Variants in STK3 observed in about 807,000 individuals in gnomAD.
STK3 encodes the protein serine/threonine kinase 3, also known as serine/threonine-protein kinase 3.
A neutral mutation model predicts 58.0 loss-of-function variants in STK3; 41 were observed. The ratio of observed to expected loss-of-function variants is 0.71; its 90% CI spans 0.55 to 0.92. The LOEUF is 0.92. Among genes scored for constraint, STK3 ranks in the 40% least tolerant of loss-of-function variants. The pLI, the probability that STK3 is intolerant of heterozygous loss-of-function variation, is 0.00. For missense variants in STK3, 479 were observed against 602.7 expected (o/e 0.79, Z 2.15); for synonymous variants, 170 against 191.0 (o/e 0.89, Z 0.91).
intron 1 of STK3, among the ~76,000 whole-genome samples, chr8:98,906,757 A>G (rs16897122): frequency 0.03 from 4,538 of 152,170 alleles, 100 homozygotes; most frequent in South Asian, 0.067. Context: ...GTCTTCCATC[A>G]CCTCTAAAGA....
intron 4 of STK3, among the ~76,000 whole-genome samples, chr8:98,738,442 C>G (rs1482217241): frequency 6.6e-6 from 1 of 151,990 alleles, no homozygotes; most frequent in Non-Finnish European, 1.5e-5. Context: ...CATTGCACTC[C>G]AGCCTGGGGA....
chr8:98,653,263 A>G (rs979934392), intron 6 of STK3, among the ~76,000 whole-genome samples: 104 of 152,332 alleles, frequency 6.8e-4, no homozygotes, highest in African/African-American at 2.4e-3. Flanking sequence ...AGGCAGAAAT[A>G]AAGACGTGCT....
At chr8:98,359,908 A>G in the STK3 span, among the ~76,000 whole-genome samples, 1 of 152,110 alleles carries the variant, frequency 6.6e-6, no homozygotes, top group Non-Finnish European at 1.5e-5. Flanking sequence ...GGGAAGGGTA[A>G]ACAGTCCTGG....
intron 3 of STK3, among the ~76,000 whole-genome samples, chr8:98,759,884 G>C (rs2131403135): frequency 6.6e-6 from 1 of 152,134 alleles, no homozygotes; most frequent in East Asian, 1.9e-4. Context: ...GAATGCACAA[G>C]TTCCTTATAT....
chr8:98,525,238 G>C (rs1053786673), intron 10 of STK3, among the ~76,000 whole-genome samples: 4 of 152,174 alleles, frequency 2.6e-5, no homozygotes, highest in African/African-American at 7.2e-5. Context: ...CACGGACACA[G>C]AGTGCGGAAT....
At chr8:98,344,842 G>A in the STK3 span, among the ~76,000 whole-genome samples, 1 of 131,182 alleles carries the variant, frequency 7.6e-6, no homozygotes, top group African/African-American at 2.9e-5. Context: ...GCAGTGAGCC[G>A]AGATCCCGCC....
At chr8:98,634,694 A>G (rs2130546702) in intron 6 of STK3, among the ~76,000 whole-genome samples, 1 of 152,308 alleles carries the variant, frequency 6.6e-6, no homozygotes, top group East Asian at 1.9e-4. Flanking sequence ...AAAGAAAATT[A>G]TATAAGCAGA....
chr8:98,685,376 G>A (rs914403410), intron 6 of STK3, among the ~76,000 whole-genome samples: 2 of 152,170 alleles, frequency 1.3e-5, no homozygotes, highest in African/African-American at 4.8e-5. Flanking sequence ...ACGAAGAGTA[G>A]GAATGCCTCT....
At chr8:98,453,475 T>C (rs1174685681), downstream of STK3, among the ~76,000 whole-genome samples, 1 of 152,182 alleles carries the variant, frequency 6.6e-6, no homozygotes, top group African/African-American at 2.4e-5. Flanking sequence ...AGGAAAAATT[T>C]AAAAGTAGGT....
At chr8:98,584,508 T>C (rs1252621307) in intron 7 of STK3, among the ~76,000 whole-genome samples, 2 of 152,050 alleles carry the variant, frequency 1.3e-5, no homozygotes, top group Admixed American at 6.6e-5. Flanking sequence ...TTTTTGGACA[T>C]GTGGGTTGGT....
At chr8:98,356,763 G>A in the STK3 span, among the ~76,000 whole-genome samples, 1 of 152,176 alleles carries the variant, frequency 6.6e-6, no homozygotes, top group African/African-American at 2.4e-5. Context: ...GTTTTTATAG[G>A]TTAGGCGTTA....
chr8:98,824,005 T>C (rs1044419134), intron 1 of STK3, among the ~76,000 whole-genome samples: 2 of 152,218 alleles, frequency 1.3e-5, no homozygotes, highest in African/African-American at 2.4e-5. Flanking sequence ...AACATCCTCA[T>C]CTATAAATTA....
At chr8:98,722,204 A>G (rs1292612160) in intron 4 of STK3, among the ~76,000 whole-genome samples, 2 of 152,206 alleles carry the variant, frequency 1.3e-5, no homozygotes, top group African/African-American at 4.8e-5. Flanking sequence ...GCACTCAGAA[A>G]CCAAGTAAGG....
chr8:98,870,246 T>C (rs1252329582), intron 3 of STK3, among the ~76,000 whole-genome samples: 1 of 152,272 alleles, frequency 6.6e-6, no homozygotes, highest in Non-Finnish European at 1.5e-5. Context: ...CTATCACTGA[T>C]GGACATTTGG....
chr8:98,487,485 A>T (rs922529435), intron 10 of STK3, among the ~76,000 whole-genome samples: 2 of 152,214 alleles, frequency 1.3e-5, no homozygotes, highest in East Asian at 3.8e-4. Flanking sequence ...ATTTGAATTG[A>T]TATCTCCAGT....
intron 3 of STK3, chr8:98,427,000 C>A (rs1818243811): frequency 6.6e-6 from 1 of 150,400 alleles, no homozygotes. Flanking sequence ...CCCGTCACAC[C>A]CGCTCTGCTC....
At chr8:98,351,997 A>C in the STK3 span, among the ~76,000 whole-genome samples, 1 of 152,056 alleles carries the variant, frequency 6.6e-6, no homozygotes, top group African/African-American at 2.4e-5. Flanking sequence ...GTCTCTACTA[A>C]AAATACAAAA....
At chr8:98,917,018 G>A (rs890684654) in intron 1 of STK3, among the ~76,000 whole-genome samples, 2 of 152,116 alleles carry the variant, frequency 1.3e-5, no homozygotes, top group African/African-American at 2.4e-5. Flanking sequence ...CTTCATGCAG[G>A]TTCTGAGTTG....
At chr8:98,692,958 GA>G (rs1184975136) in intron 6 of STK3, among the ~76,000 whole-genome samples, 1 of 152,028 alleles carries the variant, frequency 6.6e-6, no homozygotes, top group Non-Finnish European at 1.5e-5. Context: ...ATTTGGGGGG[GA>G]AAAATACAAT....
Sources: allele counts gnomAD v4.1 joint callset (sites outside exome capture counted in the v4.1 genomes callset), GRCh38; gene constraint gnomAD v4.1.1; transcripts MANE v1.5; gene names NCBI Gene and HGNC (gene_info 2026-07-23, HGNC 2026-07-21).